Variants in DEPDC5 observed in about 807,000 individuals in gnomAD.
DEPDC5 encodes the protein DEP domain containing 5, GATOR1 subcomplex subunit.
In DEPDC5, 73 loss-of-function variants were observed where a neutral mutation model predicts 217.3. That is an observed-to-expected ratio of 0.34 (90% CI 0.28 to 0.41). The LOEUF (loss-of-function observed/expected upper bound fraction) is 0.41, where lower values mean the gene tolerates loss of function less well. Ranked by LOEUF, DEPDC5 falls within the 10% of genes least tolerant of loss-of-function variation. The pLI, the probability that DEPDC5 is intolerant of heterozygous loss-of-function variation, is 1.00. For synonymous variants in DEPDC5, 733 were observed against 756.7 expected (o/e 0.97, Z 0.51); for missense variants, 1,675 against 2,070.1 (o/e 0.81, Z 3.70).
chr22:31,907,245 C>G lies in DEPDC5; in HGVS notation c.*748C>G, dbSNP rs922779251. The G allele has an allele frequency of 2.6e-5, 4 of 152,256 alleles. No homozygotes were observed. Among genetic ancestry groups the G allele is most frequent in the African/African-American group, 9.7e-5 (4 of 41,422 alleles). 9.4% of individuals were successfully genotyped at this position (152,256 alleles called of 1,614,324 possible). A position where few individuals can be genotyped will look rare whatever the true frequency, so the allele number is the denominator to read the frequency against. ...GACAGTGAGCAGGCAGTATAACTTA[C>G]AAGGTAACTGCAGGCTCATGCTGTC... On this transcript the variant is annotated 3_prime_UTR_variant, in exon 43 of 43. Transcript: ENST00000651528.
chr22:31,827,025 T>C (rs936523093), intron 24 of DEPDC5, among the ~76,000 whole-genome samples: 1 of 151,892 alleles, frequency 6.6e-6, no homozygotes, highest in African/African-American at 2.4e-5. Context: ...TCCCAAATAG[T>C]TGGGACTACA....
At chr22:31,853,858 C>G (rs1762280913) in intron 31 of DEPDC5, among the ~76,000 whole-genome samples, 1 of 152,204 alleles carries the variant, frequency 6.6e-6, no homozygotes, top group South Asian at 2.1e-4. Flanking sequence ...CATTCATGTT[C>G]TGTCCAAGGT....
At chr22:31,874,441 T>G in intron 36 of DEPDC5, 36 bp downstream of exon 36, 2 of 1,575,504 alleles carry the variant, frequency 1.3e-6, no homozygotes, top group Non-Finnish European at 1.7e-6. Flanking sequence ...AGCTGTTTGC[T>G]TAGGTCCCGA....
intron 4 of DEPDC5, among the ~76,000 whole-genome samples, chr22:31,764,568 A>C (rs1300152471): frequency 1.3e-5 from 2 of 151,626 alleles, no homozygotes; most frequent in African/African-American, 4.8e-5. Context: ...GGCGCCCACC[A>C]TCATGCCTGG....
chr22:31,889,188 G>T (rs1224952465), intron 38 of DEPDC5, among the ~76,000 whole-genome samples: 2 of 152,180 alleles, frequency 1.3e-5, no homozygotes, highest in East Asian at 3.8e-4. Flanking sequence ...GTATTTATTG[G>T]TCTTGTGTGA....
At chr22:31,817,824 T>C (rs2089303341) in intron 21 of DEPDC5, among the ~76,000 whole-genome samples, 1 of 152,196 alleles carries the variant, frequency 6.6e-6, no homozygotes, top group Admixed American at 6.5e-5. Flanking sequence ...TTTTTCTCTT[T>C]TATTTCCTTA....
At chr22:31,794,197 G>A (rs554194628) in intron 12 of DEPDC5, among the ~76,000 whole-genome samples, 5 of 152,102 alleles carry the variant, frequency 3.3e-5, no homozygotes, top group Admixed American at 1.3e-4. Context: ...TTGATCTTTT[G>A]TTGGATCCTG....
At chr22:31,767,325 G>C (rs149071642) in intron 6 of DEPDC5, among the ~76,000 whole-genome samples, 2,076 of 151,564 alleles carry the variant, frequency 0.014, 16 homozygotes, top group Middle Eastern at 0.031. Flanking sequence ...TTGAGACGGA[G>C]TTTCTTGTTG....
At chr22:31,762,636 G>T (rs1268709117) in intron 4 of DEPDC5, among the ~76,000 whole-genome samples, 1 of 152,092 alleles carries the variant, frequency 6.6e-6, no homozygotes, top group Admixed American at 6.6e-5. Flanking sequence ...TGTGGCGCAT[G>T]CCTGTAATCT....
At chr22:31,843,513 G>T in intron 28 of DEPDC5, 132 bp from the exon 29 acceptor site, 1 of 1,073,648 alleles carries the variant, frequency 9.3e-7, no homozygotes, top group Non-Finnish European at 1.3e-6. Context: ...CCGTTCCCTG[G>T]GATAAGTTGG....
At chr22:31,877,253 C>T (rs536159920) in intron 37 of DEPDC5, among the ~76,000 whole-genome samples, 34 of 150,230 alleles carry the variant, frequency 2.3e-4, no homozygotes, top group East Asian at 1.6e-3. Flanking sequence ...CTGGGCAACA[C>T]GATGAAACCC....
chr22:31,836,725 A>C, intron 25 of DEPDC5: 1 of 485,836 alleles, frequency 2.1e-6, no homozygotes, highest in Non-Finnish European at 3.6e-6. Context: ...CAGAAAATGA[A>C]AAATATCAGC....
chr22:31,832,092 C>T (rs1316949176), intron 24 of DEPDC5, among the ~76,000 whole-genome samples: 2 of 152,204 alleles, frequency 1.3e-5, no homozygotes, highest in Non-Finnish European at 2.9e-5. Flanking sequence ...CACGTTGCCA[C>T]GTGTCAATAG....
chr22:31,827,816 A>G (rs533630741), intron 24 of DEPDC5, among the ~76,000 whole-genome samples: 6 of 152,158 alleles, frequency 3.9e-5, no homozygotes, highest in African/African-American at 1.4e-4. Flanking sequence ...AGAGAGCATC[A>G]TGGCTAAGAT....
Position 31,897,540 on chromosome 22 carries a change from A to G in DEPDC5, c.4262A>G (p.Glu1421Gly). Residue 1421 changes from glutamate (E) to glycine (G), a missense_variant, in exon 40 of 43, where the codon GAG becomes GGG. Physicochemically the swap from Glu to Gly is moderately conservative, Grantham distance 98 (BLOSUM62 -2). Coordinates refer to ENST00000651528, the MANE Select transcript of DEPDC5 (RefSeq NM_001242896.3). ...GGCTTCTTGTTAGTCCCAGTTTTGGAGGGGCCTTTTGCACTGCCCAGTTAC... is the reference window on the plus strand; with the variant it reads ...GGCTTCTTGTTAGTCCCAGTTTTGGGGGGGCCTTTTGCACTGCCCAGTTAC... ...SCGFLLVPVL[E>G]GPFALPSYLY... 6.2e-7 allele frequency: 1 copy of G among 1,614,082 alleles called. No homozygotes were observed. The highest frequency in any genetic ancestry group is 8.5e-7 in the Non-Finnish European group (1 of 1,179,982).
intron 17 of DEPDC5, 35 bp downstream of exon 17, chr22:31,804,950 C>A (rs757413105): frequency 6.4e-7 from 1 of 1,570,576 alleles, no homozygotes; most frequent in Non-Finnish European, 8.7e-7. Context: ...AGGTGATAAG[C>A]GTTTTGAACA....
chr22:31,855,859 A>G (rs548286032), intron 31 of DEPDC5, among the ~76,000 whole-genome samples: 3 of 152,154 alleles, frequency 2.0e-5, no homozygotes, highest in South Asian at 2.1e-4. Flanking sequence ...ACAGGTTACT[A>G]TGGAAACATA....
At chr22:31,849,791 ATAAG>A (rs1284122412) in intron 31 of DEPDC5, among the ~76,000 whole-genome samples, 3 of 151,798 alleles carry the variant, frequency 2.0e-5, no homozygotes, top group South Asian at 2.1e-4. Flanking sequence ...AAAAAAAAAA[ATAAG>A]TAAATAAAAT....
Position 31,806,293 on chromosome 22 carries a change from T to C in DEPDC5, c.1287+102T>C, listed in dbSNP as rs2087531141. The C allele has an allele frequency of 2.4e-5, 25 of 1,039,266 alleles. No individual in the cohort carries two copies. In the South Asian group the frequency reaches 3.8e-4, roughly 16 times the overall value. The allele number at this position is 1,039,266 out of a possible 1,614,324, so 64.4% of individuals were successfully genotyped here. On this transcript the variant is annotated intron_variant, in intron 18 of 42. Coordinates refer to ENST00000651528, the MANE Select transcript of DEPDC5 (RefSeq NM_001242896.3). ...CCTCCTGTTTCAGCCTCCCAAAGTG[T>C]TGGGATTACAGACATGAGCCATTCT...
Sources: gnomAD v4.1 joint callset for allele counts (sites outside exome capture counted in the v4.1 genomes callset) on GRCh38, gnomAD v4.1.1 for gene constraint, MANE v1.5 for transcripts, NCBI Gene and HGNC (gene_info 2026-07-23, HGNC 2026-07-21) for gene names.